RADIL: variants seen among roughly 807,000 people sequenced by gnomAD.
The protein encoded by RADIL is Rap associating with DIL domain.
A neutral mutation model predicts 97.6 loss-of-function variants in RADIL; 99 were observed. The observed-to-expected ratio is 1.01, with a 90% CI of 0.86 to 1.20. The LOEUF (loss-of-function observed/expected upper bound fraction) is 1.20, where lower values mean the gene tolerates loss of function less well. RADIL is among the 50% of genes most tolerant of loss of function. The probability of loss-of-function intolerance (pLI) is 0.00; values close to 1 mark genes in which losing one functional copy is unlikely to be tolerated. For missense variants in RADIL, 1,765 were observed against 1,498.9 expected (o/e 1.18, Z -2.93); for synonymous variants, 803 against 691.8 (o/e 1.16, Z -2.52).
At chr7:4,836,718 G>A (rs906438948) in intron 2 of RADIL, 113 bp from the exon 3 acceptor site, 39 of 1,418,578 alleles carry the variant, frequency 2.7e-5, no homozygotes, top group African/African-American at 1.6e-4. Flanking sequence ...TGGGGGGATC[G>A]CCTGAGGTCA....
At position 4,813,042 on chromosome 7, in the gene RADIL, C is replaced by T. The variant is rs1236287483; in HGVS notation, c.2139+2236G>A. Among the ~76,000 whole-genome samples, 2 of 151,904 alleles carry T rather than the reference C, an allele frequency of 1.3e-5. No homozygotes were observed. Among genetic ancestry groups the T allele is most frequent in the African/African-American group, 4.8e-5 (2 of 41,314 alleles). On this transcript the variant is annotated intron_variant, in intron 9 of 14. Coordinates refer to ENST00000399583, the MANE Select transcript of RADIL (RefSeq NM_018059.5). The surrounding 1 kb of genome is among the most constrained non-coding windows in gnomAD (Gnocchi z 5.0). Reference sequence around the variant, plus strand: ...CAAGCTTTTGGTGAGGCTCAGACAGCCTCTGCTTCATCCTTACCCCAAGGT... The same window carrying T: ...CAAGCTTTTGGTGAGGCTCAGACAGTCTCTGCTTCATCCTTACCCCAAGGT...
chr7:4,804,482 T>C (rs1040476815), intron 10 of RADIL, among the ~76,000 whole-genome samples: 1 of 152,226 alleles, frequency 6.6e-6, no homozygotes, highest in African/African-American at 2.4e-5. Context: ...GTGTGTATAA[T>C]CTACACATTA....
At chr7:4,826,756 A>C (rs113443196) in intron 5 of RADIL, among the ~76,000 whole-genome samples, 4,574 of 151,744 alleles carry the variant, frequency 0.03, 233 homozygotes, top group African/African-American at 0.11. Context: ...AAAAAAAAAA[A>C]CCCAATCAGA....
At chr7:4,826,728 G>A (rs577366477) in intron 5 of RADIL, among the ~76,000 whole-genome samples, 9 of 137,244 alleles carry the variant, frequency 6.6e-5, no homozygotes, top group East Asian at 2.1e-4. Flanking sequence ...GCGAGACTCC[G>A]TCTCAAAAAA....
chr7:4,870,596 C>G (rs371276992), intron 2 of RADIL, among the ~76,000 whole-genome samples: 41 of 152,280 alleles, frequency 2.7e-4, no homozygotes, highest in African/African-American at 9.1e-4. Flanking sequence ...TGCCCACCAC[C>G]ATGCCTGGCT....
rs1012027457 is a variant in RADIL at position 4,824,953 on chromosome 7, A to T, written c.1455-2399T>A. 2.0e-5 allele frequency among the ~76,000 whole-genome samples: 3 copies of T among 152,080 alleles called. No individual in the cohort carries two copies. Among genetic ancestry groups the T allele is most frequent in the Non-Finnish European group, 4.4e-5 (3 of 68,020 alleles). On this transcript the variant is annotated intron_variant, in intron 5 of 14. Coordinates refer to ENST00000399583, the MANE Select transcript of RADIL (RefSeq NM_018059.5). The surrounding 1 kb of genome is among the most constrained non-coding windows in gnomAD (Gnocchi z 6.7). ...TTTGCAACTGGAGTTTCGGGATCAG[A>T]CTCGGGCCAGGTTGGCACTGAACGC...
chr7:4,874,242 G>A (rs950841963), intron 2 of RADIL, among the ~76,000 whole-genome samples: 1 of 152,246 alleles, frequency 6.6e-6, no homozygotes, highest in Non-Finnish European at 1.5e-5. Context: ...GTACCCATGT[G>A]TCACCACAAC....
At chr7:4,838,160 C>T (rs1468643092) in intron 2 of RADIL, 10 of 692,416 alleles carry the variant, frequency 1.4e-5, no homozygotes, top group South Asian at 6.5e-5. Flanking sequence ...CTGCAGAACC[C>T]GGCCCAGCCT....
intron 2 of RADIL, among the ~76,000 whole-genome samples, chr7:4,846,044 G>A (rs1783560588): frequency 6.6e-6 from 1 of 152,054 alleles, no homozygotes; most frequent in Non-Finnish European, 1.5e-5. Context: ...GCCACCAACA[G>A]CGACAGCCCT....
In RADIL at chr7:4,801,984, G is replaced by A. The variant is rs778980429; in HGVS notation, c.2511C>T (p.His837=). The A allele has an allele frequency of 2.3e-5, 36 of 1,537,166 alleles. No homozygotes were observed. Among genetic ancestry groups the A allele is most frequent in the African/African-American group, 4.2e-5 (3 of 72,144 alleles). The change falls in exon 12 of 15, where the codon CAC becomes CAT. Residue 837 remains histidine (H), a synonymous_variant. Coordinates refer to ENST00000399583, the MANE Select transcript of RADIL (RefSeq NM_018059.5). ...CCTCCAGGTGCCCGTCAAGGACCAC[G>A]TGGTGCATACCCTAGGGAGAGGAAG... is the stretch of plus-strand genomic sequence containing the variant. ...SQPVCPEGMH[H]VVLDGHLEAP... is the part of the protein sequence containing the mutation.
rs568425072 is a variant in RADIL at position 4,818,813 on chromosome 7, G to A, written c.1616-1462C>T. On this transcript the variant is annotated intron_variant, in intron 6 of 14. Transcript: ENST00000399583. This position sits in a 1 kb window ranked among gnomAD's most constrained non-coding sequence, Gnocchi z 7.1. Reference sequence around the variant, plus strand: ...GGGGCGGGGCACTGGTGGGAAGAGGGAAACGGGGCATGGGAATGACAGGAG... The same window carrying A: ...GGGGCGGGGCACTGGTGGGAAGAGGAAAACGGGGCATGGGAATGACAGGAG... 6.6e-6 allele frequency among the ~76,000 whole-genome samples: 1 copy of A among 152,294 alleles called. No homozygotes were observed. Among genetic ancestry groups the A allele is most frequent in the African/African-American group, 2.4e-5 (1 of 41,566 alleles).
intron 2 of RADIL, among the ~76,000 whole-genome samples, chr7:4,841,757 A>G (rs950296765): frequency 6.6e-6 from 1 of 152,172 alleles, no homozygotes; most frequent in Non-Finnish European, 1.5e-5. Flanking sequence ...CAAAATGTAC[A>G]CTTTCTGACA....
rs568066845 is a variant in RADIL, at chr7:4,873,821, C to T, written c.535+3784G>A. 6.6e-6 allele frequency among the ~76,000 whole-genome samples: 1 copy of T among 152,206 alleles called. No homozygotes were observed. The highest frequency in any genetic ancestry group is 1.5e-5 in the Non-Finnish European group (1 of 68,036). On this transcript the variant is annotated intron_variant, in intron 2 of 14. Coordinates refer to ENST00000399583, the MANE Select transcript of RADIL (RefSeq NM_018059.5). This position sits in a 1 kb window ranked among gnomAD's most constrained non-coding sequence, Gnocchi z 4.3. Reference sequence around the variant, plus strand: ...CACCGGAGGTATGTAATGGAGAGGACACGGTGGGTGTTAGGAAAGCCTCCC... The same window carrying T: ...CACCGGAGGTATGTAATGGAGAGGATACGGTGGGTGTTAGGAAAGCCTCCC...
At chr7:4,869,666 T>A (rs1275664063) in intron 2 of RADIL, among the ~76,000 whole-genome samples, 1 of 152,092 alleles carries the variant, frequency 6.6e-6, no homozygotes, top group East Asian at 1.9e-4. Flanking sequence ...GCATCTGCAC[T>A]CTCTCTTCTG....
intron 2 of RADIL, among the ~76,000 whole-genome samples, chr7:4,855,283 C>G (rs775436646): frequency 2.0e-5 from 3 of 152,018 alleles, no homozygotes; most frequent in Admixed American, 6.6e-5. Flanking sequence ...CGAGAAATAC[C>G]AGAGAAAATT....
chr7:4,827,054 G>A (rs1783002199), intron 5 of RADIL, among the ~76,000 whole-genome samples: 1 of 152,168 alleles, frequency 6.6e-6, no homozygotes, highest in Admixed American at 6.5e-5. Flanking sequence ...GGGAAAGAAA[G>A]ATTCTAGGCC....
At chr7:4,882,242 G>C (rs1378293887) in intron 1 of RADIL, 25 of 152,280 alleles carry the variant, frequency 1.6e-4, no homozygotes, top group Admixed American at 1.5e-3. Context: ...GCCTGTTTGT[G>C]AGAATGGGAT....
At position 4,854,691 on chromosome 7, in the gene RADIL, A is replaced by G. The variant is rs1479966901; in HGVS notation, c.536-18086T>C. The stretch of plus-strand genomic sequence containing the variant: ...CCTGGGCGACAGAGCGAGACTCCGT[A>G]TCAAAACAAACAAACAAACAAAAAC... On this transcript the variant is annotated intron_variant, in intron 2 of 14. Transcript: ENST00000399583. This position sits in a 1 kb window ranked among gnomAD's most constrained non-coding sequence, Gnocchi z 5.1. Among the ~76,000 whole-genome samples the G allele has an allele frequency of 1.3e-5, 2 of 152,196 alleles. No homozygotes were observed. The highest frequency in any genetic ancestry group is 2.9e-5 in the Non-Finnish European group (2 of 68,030).
At chr7:4,803,914 G>T (rs367638850) in intron 10 of RADIL, 160 bp from the exon 11 acceptor site, 12 of 734,036 alleles carry the variant, frequency 1.6e-5, no homozygotes, top group African/African-American at 1.4e-4. Flanking sequence ...ACAGTGACTG[G>T]CCCCACCCTA....
Sources: gnomAD v4.1 joint callset for allele counts (sites outside exome capture counted in the v4.1 genomes callset) on GRCh38, gnomAD v4.1.1 for gene constraint, Gnocchi (gnomAD v3.1) non-coding constraint, MANE v1.5 for transcripts, NCBI Gene and HGNC (gene_info 2026-07-23, HGNC 2026-07-21) for gene names.